The following GRID1 variants were observed in gnomAD, a reference collection of about 807,000 sequenced individuals.
GRID1 encodes the protein glutamate receptor ionotropic, delta-1.
Under a neutral mutation model 98.0 loss-of-function variants are expected in GRID1, and 28 were observed. The observed-to-expected ratio is 0.29, with a 90% CI of 0.21 to 0.39. The LOEUF (loss-of-function observed/expected upper bound fraction) is 0.39, where lower values mean the gene tolerates loss of function less well. Among genes scored for constraint, GRID1 ranks in the 10% least tolerant of loss-of-function variants. The pLI is 1.00. For missense variants in GRID1, 1,111 were observed against 1,340.5 expected (o/e 0.83, Z 2.67); for synonymous variants, 553 against 538.5 (o/e 1.03, Z -0.37).
chr10:86,095,513 A>G (rs1387659179), intron 4 of GRID1, among the ~76,000 whole-genome samples: 4 of 152,206 alleles, frequency 2.6e-5, no homozygotes, highest in African/African-American at 9.6e-5. Flanking sequence ...CAGTAAGAAA[A>G]AAAAATGAAC....
chr10:85,935,822 T>C (rs920448501), intron 4 of GRID1, among the ~76,000 whole-genome samples: 1 of 152,190 alleles, frequency 6.6e-6, no homozygotes, highest in Non-Finnish European at 1.5e-5. Context: ...CAGAGCTAGA[T>C]AGTGGTAAAG....
intron 2 of GRID1, among the ~76,000 whole-genome samples, chr10:86,263,729 C>T (rs1038461636): frequency 6.6e-6 from 1 of 152,330 alleles, no homozygotes; most frequent in Middle Eastern, 3.4e-3. Flanking sequence ...TGGTACATAT[C>T]AAGTGCTCAA....
chr10:85,976,990 G>A (rs753304926), intron 4 of GRID1, among the ~76,000 whole-genome samples: 3 of 152,236 alleles, frequency 2.0e-5, no homozygotes, highest in Admixed American at 6.5e-5. Flanking sequence ...GCACTGGCCT[G>A]TGGGTTCCAG....
At chr10:85,903,357 C>T (rs774766988) in intron 5 of GRID1, among the ~76,000 whole-genome samples, 5 of 151,988 alleles carry the variant, frequency 3.3e-5, no homozygotes, top group Non-Finnish European at 5.9e-5. Context: ...TCTCATAATC[C>T]ACATCTAATC....
intron 2 of GRID1, among the ~76,000 whole-genome samples, chr10:86,360,360 A>T (rs759558158): frequency 4.6e-5 from 7 of 152,234 alleles, no homozygotes; most frequent in African/African-American, 7.2e-5. Context: ...GAAGGAAATA[A>T]CACTAGTGCA....
At position 86,015,604 on chromosome 10, in the gene GRID1, T is replaced by A. The variant is rs543360039; in HGVS notation, c.727-99365A>T. On this transcript the variant is annotated intron_variant, in intron 4 of 15. Transcript: ENST00000327946. Reference sequence around the variant, plus strand: ...AGGGCGAGTGGAAGTGGCAGCCACGTTCAGCAACAGCCCTACTGCTCAGCC... The same window carrying A: ...AGGGCGAGTGGAAGTGGCAGCCACGATCAGCAACAGCCCTACTGCTCAGCC... Among the ~76,000 whole-genome samples the A allele has an allele frequency of 6.6e-5, 10 of 152,330 alleles. No homozygotes were observed. In the East Asian group the frequency reaches 1.4e-3, roughly 21 times the overall value.
At chr10:86,106,504 G>C (rs146118228) in intron 4 of GRID1, among the ~76,000 whole-genome samples, 1 of 150,434 alleles carries the variant, frequency 6.6e-6, no homozygotes, top group African/African-American at 2.5e-5. Context: ...GTGGGGATGG[G>C]AGAATGGGCC....
intron 2 of GRID1, among the ~76,000 whole-genome samples, chr10:86,357,407 T>C (rs1241471113): frequency 1.3e-5 from 2 of 152,202 alleles, no homozygotes; most frequent in Non-Finnish European, 2.9e-5. Flanking sequence ...ACGCCTGGCA[T>C]AAGGTATCCA....
intron 8 of GRID1, among the ~76,000 whole-genome samples, chr10:85,843,703 C>A (rs995464967): frequency 5.3e-5 from 8 of 152,012 alleles, no homozygotes; most frequent in Admixed American, 5.2e-4. Flanking sequence ...ACATTCAACA[C>A]CACTGACCAT....
intron 8 of GRID1, among the ~76,000 whole-genome samples, chr10:85,847,030 C>CAAGCATCTGA (rs1843012869): frequency 6.6e-6 from 1 of 152,174 alleles, no homozygotes; most frequent in African/African-American, 2.4e-5. Context: ...AAGCTGAACA[C>CAAGCATCTGA]AAGCATCTGA....
At chr10:86,065,640 G>A (rs1843709935) in intron 4 of GRID1, among the ~76,000 whole-genome samples, 1 of 152,188 alleles carries the variant, frequency 6.6e-6, no homozygotes, top group Non-Finnish European at 1.5e-5. Context: ...CCTTAGTCAG[G>A]GCTCAGGAAC....
chr10:86,159,657 C>A (rs1018911251), intron 3 of GRID1, among the ~76,000 whole-genome samples: 3 of 152,220 alleles, frequency 2.0e-5, no homozygotes, highest in African/African-American at 7.2e-5. Flanking sequence ...GTCTGTGCCA[C>A]AGGACACAGC....
chr10:86,335,144 T>C (rs1848205440), intron 2 of GRID1, among the ~76,000 whole-genome samples: 1 of 152,084 alleles, frequency 6.6e-6, no homozygotes, highest in African/African-American at 2.4e-5. Flanking sequence ...AAAACCAGAG[T>C]GTTAGCTACT....
At position 85,904,836 on chromosome 10, in the gene GRID1, A is replaced by G. The variant is rs1841437944; in HGVS notation, c.780+11350T>C. Among the ~76,000 whole-genome samples the G allele has an allele frequency of 2.0e-5, 3 of 152,154 alleles. No individual in the cohort carries two copies. In the South Asian group the frequency reaches 6.2e-4, roughly 31 times the overall value. ...ATAAAATAGAAAAAATAAGAGAAAA[A>G]GAACATCAGTGACGTGTGGGATAAC... On this transcript the variant is annotated intron_variant, in intron 5 of 15. Coordinates refer to ENST00000327946, the MANE Select transcript of GRID1 (RefSeq NM_017551.3).
intron 5 of GRID1, among the ~76,000 whole-genome samples, chr10:85,870,481 C>A (rs1484449806): frequency 6.6e-6 from 1 of 152,234 alleles, no homozygotes; most frequent in Non-Finnish European, 1.5e-5. Flanking sequence ...TTAATAAACT[C>A]CCTTTCATAT....
At chr10:86,151,206 G>A (rs893532303) in intron 3 of GRID1, among the ~76,000 whole-genome samples, 3 of 152,156 alleles carry the variant, frequency 2.0e-5, no homozygotes, top group Non-Finnish European at 2.9e-5. Context: ...GGATGAGAAG[G>A]AGGCAGGTTT....
chr10:85,806,481 G>A (rs534295349), intron 8 of GRID1, among the ~76,000 whole-genome samples: 9 of 151,924 alleles, frequency 5.9e-5, no homozygotes, highest in South Asian at 2.1e-4. Flanking sequence ...TAAAGCATAC[G>A]TCCCCATCCA....
intron 8 of GRID1, among the ~76,000 whole-genome samples, chr10:85,731,244 A>G (rs1446565102): frequency 9.2e-5 from 14 of 152,000 alleles, no homozygotes; most frequent in Non-Finnish European, 1.5e-5. Context: ...TGGACATGAT[A>G]CCCACCAAGA....
Position 85,779,208 on chromosome 10 carries a change from C to T in GRID1, c.1234-49594G>A, listed in dbSNP as rs76817159. On this transcript the variant is annotated intron_variant, in intron 8 of 15. Transcript: ENST00000327946. ...AAGCCCCGGCCCAGGAGGACCTTGT[C>T]GAATTTGCTGCTGTTTCTCAGTCTA... Among the ~76,000 whole-genome samples, 817 of 152,288 alleles carry T rather than the reference C, an allele frequency of 5.4e-3. 10 individuals carry two copies. The highest frequency in any genetic ancestry group is 0.018 in the African/African-American group (740 of 41,554).
Sources: gnomAD v4.1 joint callset for allele counts (sites outside exome capture counted in the v4.1 genomes callset) on GRCh38, gnomAD v4.1.1 for gene constraint, MANE v1.5 for transcripts, NCBI Gene and HGNC (gene_info 2026-07-23, HGNC 2026-07-21) for gene names.